The following FBXW7 variants were observed in gnomAD, a reference collection of about 807,000 sequenced individuals.
The protein encoded by FBXW7 is F-box and WD repeat domain containing 7, also known as F-box/WD repeat-containing protein 7.
A neutral mutation model predicts 86.3 loss-of-function variants in FBXW7; 11 were observed. The observed-to-expected ratio is 0.13, with a 90% CI of 0.08 to 0.21. The LOEUF is 0.21. FBXW7 is among the 10% of genes least tolerant of loss of function. The pLI, the probability that FBXW7 is intolerant of heterozygous loss-of-function variation, is 1.00. For synonymous variants in FBXW7, 313 were observed against 297.9 expected (o/e 1.05, Z -0.52); for missense variants, 488 against 847.4 (o/e 0.58, Z 5.27).
chr4:152,441,618 G>A (rs931537027), intron 2 of FBXW7, among the ~76,000 whole-genome samples: 2 of 152,220 alleles, frequency 1.3e-5, no homozygotes, highest in East Asian at 1.9e-4. Flanking sequence ...GCAACAATCA[G>A]TATCACAAAA....
chr4:152,407,475 A>C (rs533196071), intron 4 of FBXW7, among the ~76,000 whole-genome samples: 33 of 152,310 alleles, frequency 2.2e-4, no homozygotes, highest in African/African-American at 6.7e-4. Context: ...CTTTCTGAAG[A>C]AGCTATCATT....
At chr4:152,533,676 T>C (rs1052350507) in intron 2 of FBXW7, among the ~76,000 whole-genome samples, 1 of 152,198 alleles carries the variant, frequency 6.6e-6, no homozygotes, top group Non-Finnish European at 1.5e-5. Flanking sequence ...CTGATAATTC[T>C]TGAAACACAA....
chr4:152,516,348 G>A (rs1398150750), intron 2 of FBXW7, among the ~76,000 whole-genome samples: 1 of 152,198 alleles, frequency 6.6e-6, no homozygotes, highest in African/African-American at 2.4e-5. Flanking sequence ...TCTCATAGGA[G>A]CACAAACACT....
chr4:152,500,535 C>T (rs1330287346), intron 2 of FBXW7, among the ~76,000 whole-genome samples: 1 of 134,444 alleles, frequency 7.4e-6, no homozygotes, highest in Non-Finnish European at 1.6e-5. Context: ...AAAAAAATTA[C>T]ATATAATCCT....
At chr4:152,419,530 C>CACACACACAG (rs1352952775) in intron 2 of FBXW7, among the ~76,000 whole-genome samples, 6 of 151,282 alleles carry the variant, frequency 4.0e-5, no homozygotes, top group Non-Finnish European at 8.8e-5. Flanking sequence ...CACACACACA[C>CACACACACAG]ACACACAGAG....
At chr4:152,461,070 C>G (rs1008359287) in intron 2 of FBXW7, among the ~76,000 whole-genome samples, 1 of 152,000 alleles carries the variant, frequency 6.6e-6, no homozygotes, top group Non-Finnish European at 1.5e-5. Context: ...CACCTGAGGT[C>G]GGGAGGGAGT....
intron 4 of FBXW7, among the ~76,000 whole-genome samples, chr4:152,400,057 T>C (rs1317771848): frequency 1.3e-5 from 2 of 152,178 alleles, no homozygotes; most frequent in African/African-American, 2.4e-5. Context: ...AGGCTTACTA[T>C]AAAGCTACAG....
chr4:152,484,757 T>C (rs1210967244), intron 2 of FBXW7, among the ~76,000 whole-genome samples: 3 of 151,514 alleles, frequency 2.0e-5, no homozygotes, highest in Non-Finnish European at 4.4e-5. Context: ...AGGTCAGGAG[T>C]TCGAGACCAG....
intron 4 of FBXW7, among the ~76,000 whole-genome samples, chr4:152,375,246 T>C (rs1158327606): frequency 6.6e-6 from 1 of 152,084 alleles, no homozygotes; most frequent in Non-Finnish European, 1.5e-5. Context: ...AATAGCTATA[T>C]ACTTTGGGAG....
intron 11 of FBXW7, 46 bp downstream of exon 11, chr4:152,328,162 C>T (rs2126511691): frequency 6.5e-7 from 1 of 1,528,034 alleles, no homozygotes; most frequent in Non-Finnish European, 8.8e-7. Flanking sequence ...CCAAATTCAC[C>T]AATAATAGAG....
intron 2 of FBXW7, among the ~76,000 whole-genome samples, chr4:152,441,064 C>G (rs995582234): frequency 1.3e-5 from 2 of 151,848 alleles, no homozygotes; most frequent in African/African-American, 4.8e-5. Context: ...CTGTGATAAA[C>G]AGAAAATACG....
chr4:152,380,186 A>C (rs1160669797), intron 4 of FBXW7, among the ~76,000 whole-genome samples: 1 of 152,132 alleles, frequency 6.6e-6, no homozygotes, highest in Admixed American at 6.6e-5. Context: ...AAAGAAAGTA[A>C]AAATACCCGA....
intron 4 of FBXW7, among the ~76,000 whole-genome samples, chr4:152,394,583 A>G (rs1294102898): frequency 2.0e-5 from 3 of 152,112 alleles, no homozygotes; most frequent in African/African-American, 4.8e-5. Flanking sequence ...ACCTACCCAA[A>G]AGAGCATCTT....
chr4:152,367,864 T>G (rs1351311053), intron 4 of FBXW7, among the ~76,000 whole-genome samples: 5 of 152,094 alleles, frequency 3.3e-5, no homozygotes, highest in Non-Finnish European at 7.4e-5. Flanking sequence ...TTGATGATAC[T>G]AGGTGACAGT....
chr4:152,352,310 C>T (rs981734627), intron 4 of FBXW7, among the ~76,000 whole-genome samples: 9 of 151,920 alleles, frequency 5.9e-5, no homozygotes, highest in Admixed American at 4.6e-4. Flanking sequence ...ACAGTCTTTC[C>T]GTTATTTGCT....
At chr4:152,471,105 A>T (rs1484391250) in intron 2 of FBXW7, among the ~76,000 whole-genome samples, 1 of 152,032 alleles carries the variant, frequency 6.6e-6, no homozygotes, top group Non-Finnish European at 1.5e-5. Context: ...AGTAAGCCAC[A>T]TCAATAGATT....
intron 4 of FBXW7, chr4:152,353,056 G>GT (rs1449110268): frequency 9.0e-6 from 10 of 1,109,330 alleles, no homozygotes; most frequent in Non-Finnish European, 1.1e-5. Flanking sequence ...GGTTATTTTT[G>GT]TATTTTGTAA....
intron 2 of FBXW7, among the ~76,000 whole-genome samples, chr4:152,524,822 AG>A (rs900062161): frequency 3.3e-5 from 5 of 152,186 alleles, no homozygotes; most frequent in African/African-American, 1.2e-4. Context: ...ATTTATCCGC[AG>A]GGGGGAAAAA....
intron 2 of FBXW7, among the ~76,000 whole-genome samples, chr4:152,412,984 A>G (rs1738104952): frequency 6.6e-6 from 1 of 152,046 alleles, no homozygotes; most frequent in South Asian, 2.1e-4. Flanking sequence ...TCATTCTTAC[A>G]TTTTATCCTT....
Sources: gnomAD v4.1 joint callset for allele counts (sites outside exome capture counted in the v4.1 genomes callset) on GRCh38, gnomAD v4.1.1 for gene constraint, MANE v1.5 for transcripts, NCBI Gene and HGNC (gene_info 2026-07-23, HGNC 2026-07-21) for gene names.